The following ADGRE3 variants were observed in gnomAD, a reference collection of about 807,000 sequenced individuals.
ADGRE3 encodes adhesion G protein-coupled receptor E3.
Under a neutral mutation model 80.1 loss-of-function variants are expected in ADGRE3, and 88 were observed. That is an observed-to-expected ratio of 1.10 (90% confidence interval 0.93 to 1.31). The LOEUF is 1.31. ADGRE3 is among the 40% of genes most tolerant of loss of function. The pLI is 0.00. For synonymous variants in ADGRE3, 281 were observed against 294.8 expected, an observed-to-expected ratio of 0.95 and a Z score of 0.48; for missense variants, 715 against 776.5, an observed-to-expected ratio of 0.92 and a Z score of 0.94.
Position 14,619,472 on chromosome 19 carries a change from C to G in ADGRE3, c.1921-1G>C. 1.3e-6 allele frequency: 2 copies of G among 1,593,372 alleles called. No homozygotes were observed. Among genetic ancestry groups the G allele is most frequent in the Non-Finnish European group, 1.7e-6 (2 of 1,161,930 alleles). On this transcript the variant is annotated splice_acceptor_variant, in intron 15 of 15. Transcript: ENST00000253673. LOFTEE classifies it high-confidence loss of function. ...TCACTTGTCCTGGAAAAACATCCCC[C>G]TATAAAAGAGGTTTAGATTAAAGGT... is the stretch of plus-strand genomic sequence containing the variant.
the ADGRE3 span, among the ~76,000 whole-genome samples, chr19:14,607,406 T>C: frequency 3.3e-5 from 5 of 151,564 alleles, no homozygotes; most frequent in Admixed American, 3.3e-4. Flanking sequence ...GGTTTCACCG[T>C]GTTAGCCAGG....
At chr19:14,660,696 C>T (rs16979765) in intron 4 of ADGRE3, among the ~76,000 whole-genome samples, 6,244 of 151,942 alleles carry the variant, frequency 0.041, 143 homozygotes, top group East Asian at 0.1. Context: ...TACCAAGTCT[C>T]ATCTCTTTTC....
chr19:14,623,299 T>TAAAAAAAAAAAAA (rs1325415854), intron 15 of ADGRE3, among the ~76,000 whole-genome samples: 1 of 16,688 alleles, frequency 6.0e-5, no homozygotes, highest in Non-Finnish European at 1.9e-4. Context: ...AAAAAAAAAA[T>TAAAAAAAAAAAAA]AAAAAAAAAA....
rs973085292 is a variant in ADGRE3, at chr19:14,647,193, G to A, written c.870C>T (p.Phe290=). The A allele has an allele frequency of 6.2e-7, 1 of 1,613,680 alleles. No individual in the cohort carries two copies. The highest frequency in any genetic ancestry group is 1.7e-5 in the Admixed American group (1 of 59,900). ...ACCTGTGACCCACCTTCACGTGCTGGAAAGTCAGCGTCACAGACTTGGAGA... is the reference window on the plus strand; with the variant it reads ...ACCTGTGACCCACCTTCACGTGCTGAAAAGTCAGCGTCACAGACTTGGAGA... ...VSLSKSVTLT[F]QHVKMTPSTK... The change falls in exon 8 of 16, where the codon TTC becomes TTT. Residue 290 remains phenylalanine, a synonymous_variant. Transcript: ENST00000253673.
intron 14 of ADGRE3, among the ~76,000 whole-genome samples, chr19:14,626,952 CT>C (rs1181638503): frequency 6.6e-6 from 1 of 152,280 alleles, no homozygotes; most frequent in East Asian, 1.9e-4. Context: ...AGTACGAAGC[CT>C]TCAGGCACAG....
intron 11 of ADGRE3, among the ~76,000 whole-genome samples, chr19:14,637,844 T>TCTGCTGCAAACC (rs1377569963): frequency 6.6e-6 from 1 of 151,946 alleles, no homozygotes. Flanking sequence ...AAGCTCTTTC[T>TCTGCTGCAAACC]CTGCTGCAAA....
intron 14 of ADGRE3, among the ~76,000 whole-genome samples, chr19:14,626,902 C>G (rs1380310582): frequency 2.0e-5 from 3 of 152,202 alleles, no homozygotes; most frequent in Non-Finnish European, 4.4e-5. Context: ...TTTGGCATCA[C>G]CAGTTTGCCC....
chr19:14,650,557 C>T (rs867194084), intron 7 of ADGRE3, among the ~76,000 whole-genome samples: 36 of 151,178 alleles, frequency 2.4e-4, no homozygotes, highest in Non-Finnish European at 4.9e-4. Context: ...TCTTTCTCTC[C>T]ATCTCTCTTT....
In ADGRE3 at chr19:14,654,985, C is replaced by T; in HGVS notation, c.574G>A (p.Val192Ile). The T allele has an allele frequency of 3.1e-6, 5 of 1,613,538 alleles. No individual in the cohort carries two copies. The highest frequency in any genetic ancestry group is 3.4e-6 in the Non-Finnish European group (4 of 1,179,654). Residue 192 changes from valine to isoleucine, a missense_variant, in exon 6 of 16, where the codon GTA becomes ATA. By Grantham distance (29) the Val-to-Ile change is conservative (BLOSUM62 3). Coordinates refer to ENST00000253673, the MANE Select transcript of ADGRE3 (RefSeq NM_032571.5). Reference protein sequence around the residue: ...QKVLKIQNDSVAIETQAITDN... With the variant: ...QKVLKIQNDSIAIETQAITDN... ...TCAGTCCTCATTATTGTCTTACCTA[C>T]ACTATCGTTTTGGATTTTCAGGACT...
At chr19:14,612,533 C>T in the ADGRE3 span, among the ~76,000 whole-genome samples, 3 of 152,178 alleles carry the variant, frequency 2.0e-5, no homozygotes, top group East Asian at 5.8e-4. Context: ...CGGGGTTTCA[C>T]CATGTTGCCC....
At chr19:14,672,666 G>A (rs1488169806) in intron 1 of ADGRE3, among the ~76,000 whole-genome samples, 4 of 152,174 alleles carry the variant, frequency 2.6e-5, no homozygotes, top group African/African-American at 9.7e-5. Context: ...CTGGAGTGCA[G>A]TGATGCAATC....
At chr19:14,613,332 C>T in the ADGRE3 span, among the ~76,000 whole-genome samples, 7 of 152,160 alleles carry the variant, frequency 4.6e-5, no homozygotes, top group Non-Finnish European at 5.9e-5. Context: ...AGAAATCCTC[C>T]GTCCTCAGAC....
At chr19:14,664,543 A>T (rs975094347) in intron 2 of ADGRE3, among the ~76,000 whole-genome samples, 2 of 152,008 alleles carry the variant, frequency 1.3e-5, no homozygotes, top group African/African-American at 4.8e-5. Context: ...CTATTGCTAT[A>T]AAAAATAATT....
At chr19:14,633,817 C>A in intron 11 of ADGRE3, among the ~76,000 whole-genome samples, 1 of 132,824 alleles carries the variant, frequency 7.5e-6, no homozygotes, top group African/African-American at 2.8e-5. Context: ...TGCTCTGTTG[C>A]CCAGGTTGGA....
At chr19:14,602,496 GT>G in the ADGRE3 span, among the ~76,000 whole-genome samples, 3 of 151,994 alleles carry the variant, frequency 2.0e-5, no homozygotes, top group African/African-American at 7.3e-5. Flanking sequence ...GTTTTGCTAT[GT>G]TGCCCAGGCT....
chr19:14,618,027 A>T (rs989638660), downstream of ADGRE3, among the ~76,000 whole-genome samples: 1 of 151,890 alleles, frequency 6.6e-6, no homozygotes, highest in Non-Finnish European at 1.5e-5. Context: ...TAATTTTTTT[A>T]TTTTTTGCAA....
At position 14,647,257 on chromosome 19, in the gene ADGRE3, A is replaced by G; in HGVS notation, c.806T>C (p.Val269Ala). ...KKDQVYLNSQ[V>A]VSAAIGPKRN... Reference sequence around the variant, plus strand: ...TTTGGGTCCAATAGCAGCACTCACAACCTGAGAGTTCAGATACACTTGATC... The same window carrying G: ...TTTGGGTCCAATAGCAGCACTCACAGCCTGAGAGTTCAGATACACTTGATC... Residue 269 changes from valine to alanine, a missense_variant, in exon 8 of 16, where the codon GTT becomes GCT. Transcript: ENST00000253673. 1.2e-6 allele frequency: 2 copies of G among 1,613,258 alleles called. No individual in the cohort carries two copies. Among genetic ancestry groups the G allele is most frequent in the Non-Finnish European group, 8.5e-7 (1 of 1,179,278 alleles).
chr19:14,674,143 A>G (rs1972326892), intron 1 of ADGRE3, among the ~76,000 whole-genome samples: 1 of 152,202 alleles, frequency 6.6e-6, no homozygotes, highest in South Asian at 2.1e-4. Context: ...TAGTTTGCAG[A>G]AGTTATCAAG....
At chr19:14,663,262 C>T (rs1972001985) in intron 3 of ADGRE3, among the ~76,000 whole-genome samples, 156 bp downstream of exon 3, 1 of 151,952 alleles carries the variant, frequency 6.6e-6, no homozygotes, top group African/African-American at 2.4e-5. Flanking sequence ...CTAGGCCTCC[C>T]CAAGTGCTGG....
Sources: gnomAD v4.1 joint callset for allele counts (sites outside exome capture counted in the v4.1 genomes callset) on GRCh38, gnomAD v4.1.1 for gene constraint, MANE v1.5 for transcripts, NCBI Gene and HGNC (gene_info 2026-07-23, HGNC 2026-07-21) for gene names.